The following SFMBT1 variants were observed in gnomAD, a reference collection of about 807,000 sequenced individuals.
SFMBT1 encodes Scm like with four mbt domains 1.
SFMBT1 carries 32 observed loss-of-function variants against 108.7 expected under a neutral mutation model. That is an observed-to-expected ratio of 0.29 (90% CI 0.22 to 0.40). The LOEUF (loss-of-function observed/expected upper bound fraction) is 0.40, where lower values mean the gene tolerates loss of function less well. Among genes scored for constraint, SFMBT1 ranks in the 10% least tolerant of loss-of-function variants. SFMBT1 has a pLI of 1.00. For missense variants in SFMBT1, 816 were observed against 1,059.6 expected (o/e 0.77, Z 3.19); for synonymous variants, 348 against 369.5 (o/e 0.94, Z 0.67).
chr3:53,010,752 T>C (rs1280752565), intron 1 of SFMBT1, among the ~76,000 whole-genome samples: 4 of 152,216 alleles, frequency 2.6e-5, no homozygotes, highest in Non-Finnish European at 5.9e-5. Context: ...AAAACATGTT[T>C]AAATAAGGTA....
intron 1 of SFMBT1, among the ~76,000 whole-genome samples, chr3:52,986,790 A>AAAAAAAG (rs1704935624): frequency 6.9e-6 from 1 of 145,592 alleles, no homozygotes; most frequent in Non-Finnish European, 1.5e-5. Context: ...AAAAAAAAAA[A>AAAAAAAG]TTAGCAGGGT....
chr3:53,038,625 T>G (rs1346232716), intron 1 of SFMBT1, among the ~76,000 whole-genome samples: 1 of 152,220 alleles, frequency 6.6e-6, no homozygotes, highest in African/African-American at 2.4e-5. Context: ...AACTCTCTAT[T>G]ACCCTTAACT....
chr3:53,039,810 TA>T (rs1334159381), intron 1 of SFMBT1, among the ~76,000 whole-genome samples: 2 of 152,192 alleles, frequency 1.3e-5, no homozygotes, highest in African/African-American at 4.8e-5. Context: ...AATTTTGGTA[TA>T]CTTTTTTTTT....
chr3:52,987,819 T>C (rs1169831012), intron 1 of SFMBT1, among the ~76,000 whole-genome samples: 1 of 152,186 alleles, frequency 6.6e-6, no homozygotes, highest in Non-Finnish European at 1.5e-5. Context: ...GCTTCTAAAA[T>C]CTTATTCTAG....
At chr3:52,957,566 T>C (rs76597506) in intron 2 of SFMBT1, among the ~76,000 whole-genome samples, 1,954 of 152,220 alleles carry the variant, frequency 0.013, 46 homozygotes, top group African/African-American at 0.045. Flanking sequence ...CTTCAAACTA[T>C]ACTACAAGCC....
At chr3:52,941,756 G>A (rs1195837088) in intron 4 of SFMBT1, among the ~76,000 whole-genome samples, 1 of 151,942 alleles carries the variant, frequency 6.6e-6, no homozygotes, top group African/African-American at 2.4e-5. Flanking sequence ...AAATTAGTTG[G>A]GTATGGTGAC....
intron 12 of SFMBT1, among the ~76,000 whole-genome samples, chr3:52,918,964 G>C (rs1485555846): frequency 6.6e-6 from 1 of 152,026 alleles, no homozygotes; most frequent in Non-Finnish European, 1.5e-5. Context: ...TCAGGCATTA[G>C]ATCGTGCAAC....
chr3:52,918,382 A>T, intron 13 of SFMBT1, 102 bp downstream of exon 13: 1 of 902,384 alleles, frequency 1.1e-6, no homozygotes, highest in Non-Finnish European at 1.6e-6. Context: ...TGAATTAAAA[A>T]ATTATGCTTC....
At chr3:52,989,184 A>G (rs1705032074) in intron 1 of SFMBT1, among the ~76,000 whole-genome samples, 1 of 152,282 alleles carries the variant, frequency 6.6e-6, no homozygotes, top group African/African-American at 2.4e-5. Context: ...GCAATATTAC[A>G]AAGGTGGCCA....
At chr3:52,916,347 T>A in intron 13 of SFMBT1, 133 bp from the exon 14 acceptor site, 1 of 541,938 alleles carries the variant, frequency 1.8e-6, no homozygotes, top group Non-Finnish European at 3.2e-6. Context: ...AGGTACTCCC[T>A]TGATGATACT....
intron 1 of SFMBT1, among the ~76,000 whole-genome samples, chr3:53,032,164 G>T (rs189369000): frequency 9.9e-5 from 15 of 152,284 alleles, no homozygotes; most frequent in Admixed American, 3.3e-4. Context: ...GAGGTCAGGG[G>T]TTCAAGACCA....
At chr3:52,999,662 G>T (rs1698469885) in intron 1 of SFMBT1, among the ~76,000 whole-genome samples, 1 of 149,934 alleles carries the variant, frequency 6.7e-6, no homozygotes, top group African/African-American at 2.4e-5. Flanking sequence ...CATGAGGGGA[G>T]TGGGCCACAT....
chr3:53,036,333 A>G (rs960368742), intron 1 of SFMBT1, among the ~76,000 whole-genome samples: 1 of 152,234 alleles, frequency 6.6e-6, no homozygotes, highest in African/African-American at 2.4e-5. Flanking sequence ...GGCTTCCTAG[A>G]AAGATTTCAT....
At chr3:52,985,629 T>C (rs137999224) in intron 1 of SFMBT1, among the ~76,000 whole-genome samples, 22 of 152,346 alleles carry the variant, frequency 1.4e-4, no homozygotes, top group African/African-American at 5.3e-4. Context: ...GAGGATATGT[T>C]CTGAGAAATT....
chr3:52,996,678 G>A (rs1160578558), intron 1 of SFMBT1, among the ~76,000 whole-genome samples: 1 of 150,332 alleles, frequency 6.7e-6, no homozygotes, highest in African/African-American at 2.4e-5. Flanking sequence ...CGAACAATAG[G>A]AAATTTAATA....
At chr3:53,017,905 G>A (rs1010515774) in intron 1 of SFMBT1, among the ~76,000 whole-genome samples, 1 of 152,146 alleles carries the variant, frequency 6.6e-6, no homozygotes, top group Non-Finnish European at 1.5e-5. Flanking sequence ...CGAACTGGAA[G>A]TCTATGCATA....
At chr3:52,952,847 A>G (rs554909373) in intron 3 of SFMBT1, among the ~76,000 whole-genome samples, 141 of 152,320 alleles carry the variant, frequency 9.3e-4, no homozygotes, top group African/African-American at 3.2e-3. Context: ...TTTAGAGGTC[A>G]TAAGGATGGA....
intron 1 of SFMBT1, among the ~76,000 whole-genome samples, chr3:53,045,578 G>T (rs1162109606): frequency 7.0e-6 from 1 of 142,728 alleles, no homozygotes; most frequent in Non-Finnish European, 1.6e-5. Context: ...CGGCGCGCGG[G>T]ACCGCGGGGC....
At chr3:53,017,691 C>T (rs1236952187) in intron 1 of SFMBT1, among the ~76,000 whole-genome samples, 1 of 152,150 alleles carries the variant, frequency 6.6e-6, no homozygotes, top group Non-Finnish European at 1.5e-5. Context: ...AATAAAGCAT[C>T]CCATGCCTCT....
Sources: gnomAD v4.1 joint callset for allele counts (sites outside exome capture counted in the v4.1 genomes callset) on GRCh38, gnomAD v4.1.1 for gene constraint, MANE v1.5 for transcripts, NCBI Gene and HGNC (gene_info 2026-07-23, HGNC 2026-07-21) for gene names.